UST: variants seen among roughly 807,000 people sequenced by gnomAD.
The protein encoded by UST is uronyl 2-sulfotransferase.
Under a neutral mutation model 45.6 loss-of-function variants are expected in UST, and 21 were observed. The observed-to-expected ratio is 0.46, with a 90% CI of 0.33 to 0.66. UST has a LOEUF of 0.66. Among genes scored for constraint, UST ranks in the 30% least tolerant of loss-of-function variants. UST has a pLI of 0.02. For synonymous variants in UST, 215 were observed against 200.6 expected, an observed-to-expected ratio of 1.07 and a Z score of -0.61; for missense variants, 463 against 512.4, an observed-to-expected ratio of 0.90 and a Z score of 0.93.
chr6:148,757,666 T>C (rs1776123575), intron 1 of UST, among the ~76,000 whole-genome samples: 1 of 152,244 alleles, frequency 6.6e-6, no homozygotes. Context: ...AAATAACCTA[T>C]TACCTTTAAC....
Position 148,822,492 on chromosome 6 carries a change from C to T in UST, c.248-64494C>T, listed in dbSNP as rs1012952586. Among the ~76,000 whole-genome samples the T allele has an allele frequency of 3.9e-5, 6 of 152,046 alleles. No individual in the cohort carries two copies. The South Asian group carries it at 6.2e-4, about 16-fold the overall frequency. On this transcript the variant is annotated intron_variant, in intron 1 of 7. Coordinates refer to ENST00000367463, the MANE Select transcript of UST (RefSeq NM_005715.3). The stretch of plus-strand genomic sequence containing the variant: ...TTCTTAATTGGCAAGATAGATGAAA[C>T]TGAAGTAAGGAGAGAAAGAGACTGA...
intron 1 of UST, among the ~76,000 whole-genome samples, chr6:148,853,591 G>A (rs1778147654): frequency 6.6e-6 from 1 of 152,126 alleles, no homozygotes; most frequent in South Asian, 2.1e-4. Context: ...GTGTAAAAGC[G>A]TTCCTGTTTC....
chr6:148,890,967 G>C (rs537644672), intron 2 of UST, among the ~76,000 whole-genome samples: 1 of 152,096 alleles, frequency 6.6e-6, no homozygotes, highest in Admixed American at 6.5e-5. Flanking sequence ...GAAATTGCAC[G>C]CATATGTTTG....
At chr6:148,844,145 AT>A (rs1159075665) in intron 1 of UST, among the ~76,000 whole-genome samples, 1 of 152,192 alleles carries the variant, frequency 6.6e-6, no homozygotes, top group African/African-American at 2.4e-5. Flanking sequence ...AGCACTGTTT[AT>A]GTACTTCCAT....
intron 5 of UST, among the ~76,000 whole-genome samples, chr6:149,004,960 G>A (rs1360823181): frequency 1.3e-5 from 2 of 151,884 alleles, no homozygotes; most frequent in African/African-American, 4.8e-5. Context: ...AACCTCCTGA[G>A]TAGCTGGGAC....
At chr6:148,881,186 C>T (rs1442009317) in intron 1 of UST, among the ~76,000 whole-genome samples, 1 of 152,150 alleles carries the variant, frequency 6.6e-6, no homozygotes, top group Non-Finnish European at 1.5e-5. Flanking sequence ...CACCTTTTGT[C>T]TCCTCCGCTT....
rs1276697820 is a variant in UST, at chr6:148,748,954, A to C, written c.247+1277A>C. ...AAAAAAAAACCCAAAACAAACAAACAAAACAAAGCAAAACAAAAACAAAAC... is the reference window on the plus strand; with the variant it reads ...AAAAAAAAACCCAAAACAAACAAACCAAACAAAGCAAAACAAAAACAAAAC... On this transcript the variant is annotated intron_variant, in intron 1 of 7. Transcript: ENST00000367463. This position sits in a 1 kb window ranked among gnomAD's most constrained non-coding sequence, Gnocchi z 5.3. Among the ~76,000 whole-genome samples, 1 of 152,112 alleles carries C rather than the reference A, an allele frequency of 6.6e-6. No homozygotes were observed. Among genetic ancestry groups the C allele is most frequent in the Non-Finnish European group, 1.5e-5 (1 of 67,996 alleles).
intron 3 of UST, among the ~76,000 whole-genome samples, chr6:148,944,262 T>C (rs996585138): frequency 6.6e-6 from 1 of 152,150 alleles, no homozygotes; most frequent in Non-Finnish European, 1.5e-5. Flanking sequence ...ACAATTCCAC[T>C]TCAGGTGCAG....
chr6:148,807,222 C>T (rs1490716366), intron 1 of UST, among the ~76,000 whole-genome samples: 6 of 152,138 alleles, frequency 3.9e-5, no homozygotes, highest in African/African-American at 1.4e-4. Context: ...AGCATTAGCC[C>T]CTTTACTGAT....
chr6:149,026,926 G>A (rs1203242298), intron 7 of UST, among the ~76,000 whole-genome samples: 2 of 152,052 alleles, frequency 1.3e-5, no homozygotes, highest in Non-Finnish European at 2.9e-5. Flanking sequence ...CTATTACAAA[G>A]GAAAAATATG....
chr6:148,952,037 G>A (rs1780375324), intron 3 of UST, among the ~76,000 whole-genome samples: 1 of 152,190 alleles, frequency 6.6e-6, no homozygotes, highest in South Asian at 2.1e-4. Flanking sequence ...TTCTTGTACA[G>A]TACTAGGGGG....
At chr6:148,990,032 G>C (rs1033199874) in intron 5 of UST, among the ~76,000 whole-genome samples, 16 of 152,190 alleles carry the variant, frequency 1.1e-4, no homozygotes, top group Non-Finnish European at 1.6e-4. Flanking sequence ...GGGGAAGAAA[G>C]TTCAAAGACT....
intron 1 of UST, among the ~76,000 whole-genome samples, chr6:148,770,481 C>T (rs924207366): frequency 6.6e-6 from 1 of 151,876 alleles, no homozygotes; most frequent in African/African-American, 2.4e-5. Flanking sequence ...TAGGCGCCTA[C>T]AGTAAAAGGA....
chr6:148,977,299 A>G (rs757772021), intron 5 of UST, among the ~76,000 whole-genome samples: 9 of 151,836 alleles, frequency 5.9e-5, no homozygotes, highest in Admixed American at 5.2e-4. Flanking sequence ...ACATAGTTTT[A>G]TTATGTAATA....
At chr6:149,067,906 C>A (rs62426154) in intron 7 of UST, among the ~76,000 whole-genome samples, 4,121 of 152,198 alleles carry the variant, frequency 0.027, 94 homozygotes, top group Non-Finnish European at 0.041. Flanking sequence ...CACAAAATTA[C>A]AAGTTTAATC....
At chr6:149,002,130 A>T (rs1486729345) in intron 5 of UST, among the ~76,000 whole-genome samples, 1 of 151,218 alleles carries the variant, frequency 6.6e-6, no homozygotes, top group Non-Finnish European at 1.5e-5. Flanking sequence ...AGAGTCATCC[A>T]TGTGTTTGAA....
chr6:148,935,253 G>C (rs1033238970), intron 2 of UST, among the ~76,000 whole-genome samples: 1 of 152,198 alleles, frequency 6.6e-6, no homozygotes, highest in African/African-American at 2.4e-5. Flanking sequence ...ATAATTCATA[G>C]AATGAAAGAT....
intron 1 of UST, among the ~76,000 whole-genome samples, chr6:148,786,149 A>G (rs1776730348): frequency 1.3e-5 from 2 of 152,140 alleles, no homozygotes; most frequent in Non-Finnish European, 2.9e-5. Context: ...ATTTGCCTCA[A>G]AGAGTTTCAA....
At chr6:149,010,986 A>G (rs148511494) in intron 5 of UST, among the ~76,000 whole-genome samples, 1 of 151,604 alleles carries the variant, frequency 6.6e-6, no homozygotes, top group East Asian at 1.9e-4. Context: ...TTGGAATCCA[A>G]ATGAATGACT....
Sources: gnomAD v4.1 joint callset for allele counts (sites outside exome capture counted in the v4.1 genomes callset) on GRCh38, gnomAD v4.1.1 for gene constraint, Gnocchi (gnomAD v3.1) non-coding constraint, MANE v1.5 for transcripts, NCBI Gene and HGNC (gene_info 2026-07-23, HGNC 2026-07-21) for gene names.